Variants in ADCY9 observed in about 807,000 individuals in gnomAD.
ADCY9 encodes the protein adenylate cyclase 9.
ADCY9 carries 50 observed loss-of-function variants against 101.5 expected under a neutral mutation model. The observed-to-expected ratio is 0.49, with a 90% CI of 0.39 to 0.62. The LOEUF is 0.62. Among genes scored for constraint, ADCY9 ranks in the 20% least tolerant of loss-of-function variants. The pLI, the probability that ADCY9 is intolerant of heterozygous loss-of-function variation, is 0.00. For synonymous variants in ADCY9, 905 were observed against 769.3 expected (o/e 1.18, Z -2.92); for missense variants, 1,662 against 1,800.4 (o/e 0.92, Z 1.39).
At chr16:4,039,865 C>A (rs2056615220) in intron 2 of ADCY9, among the ~76,000 whole-genome samples, 1 of 151,918 alleles carries the variant, frequency 6.6e-6, no homozygotes, top group African/African-American at 2.4e-5. Flanking sequence ...ATAGTGAGAT[C>A]CCATCTCTAC....
intron 2 of ADCY9, among the ~76,000 whole-genome samples, chr16:4,031,321 G>T (rs1486886510): frequency 6.6e-6 from 1 of 152,126 alleles, no homozygotes; most frequent in Non-Finnish European, 1.5e-5. Flanking sequence ...ACGGTTCAAT[G>T]GCTCAGCAAA....
Position 3,964,082 on chromosome 16 carries a change from ACTT to A in ADCY9, c.*1690_*1692del, listed in dbSNP as rs1238226086. 6.6e-6 allele frequency: 1 copy of A among 152,252 alleles called. No homozygotes were observed. Among genetic ancestry groups the A allele is most frequent in the African/African-American group, 2.4e-5 (1 of 41,428 alleles). The allele number at this position is 152,252 out of a possible 1,614,324, so 9.4% of individuals were successfully genotyped here. A position where few individuals can be genotyped will look rare whatever the true frequency, so the allele number is the denominator to read the frequency against. On this transcript the variant is annotated 3_prime_UTR_variant, in exon 11 of 11. Transcript: ENST00000294016. ...GGAGAGGTGGCGGGTCAGAATTGTGACTTCTTCATGCCGGGGAGGGCAATCTGT... is the reference window on the plus strand; with the variant it reads ...GGAGAGGTGGCGGGTCAGAATTGTGACTTCATGCCGGGGAGGGCAATCTGT...
intron 2 of ADCY9, among the ~76,000 whole-genome samples, chr16:4,102,333 T>G (rs531700448): frequency 6.6e-6 from 1 of 152,144 alleles, no homozygotes; most frequent in South Asian, 2.1e-4. Flanking sequence ...TAAGCCCGAA[T>G]GTATCAGAAA....
At chr16:4,049,014 C>T (rs146796431) in intron 2 of ADCY9, among the ~76,000 whole-genome samples, 6 of 152,142 alleles carry the variant, frequency 3.9e-5, no homozygotes, top group African/African-American at 1.4e-4. Flanking sequence ...ATCAGGAAAT[C>T]GTAATCCTGG....
intron 2 of ADCY9, among the ~76,000 whole-genome samples, chr16:4,104,535 C>G (rs446395): frequency 6.6e-6 from 1 of 151,832 alleles, no homozygotes; most frequent in Non-Finnish European, 1.5e-5. Context: ...TCACTTGAGC[C>G]CAGGAGGTCA....
chr16:4,115,576 C>A lies in ADCY9; in HGVS notation c.-43-91G>T. 1 of 1,126,890 alleles carries A rather than the reference C, an allele frequency of 8.9e-7. No individual in the cohort carries two copies. The highest frequency in any genetic ancestry group is 1.2e-6 in the Non-Finnish European group (1 of 819,096). The allele number at this position is 1,126,890 out of a possible 1,614,324, so 69.8% of individuals were successfully genotyped here. A position where few individuals can be genotyped will look rare whatever the true frequency, so the allele number is the denominator to read the frequency against. On this transcript the variant is annotated intron_variant, in intron 1 of 10. Coordinates refer to ENST00000294016, the MANE Select transcript of ADCY9 (RefSeq NM_001116.4). The surrounding 1 kb of genome is among the most constrained non-coding windows in gnomAD (Gnocchi z 6.2). The stretch of plus-strand genomic sequence containing the variant: ...CCTGCTCCTGTCCTAAGGGGCGGCT[C>A]CAGCACGCGACCTGGACAGGCACCA...
At position 4,093,973 on chromosome 16, in the gene ADCY9, C is replaced by A. The variant is rs916228435; in HGVS notation, c.1693+19777G>T. Among the ~76,000 whole-genome samples, 8 of 152,108 alleles carry A rather than the reference C, an allele frequency of 5.3e-5. 1 individual carries two copies. Among genetic ancestry groups the A allele is most frequent in the Non-Finnish European group, 8.8e-5 (6 of 68,028 alleles). ...GCTACTAAATACAGTAACATCATGA[C>A]TGGAGCTATGAAAGCAAACATTTCC... On this transcript the variant is annotated intron_variant, in intron 2 of 10. Coordinates refer to ENST00000294016, the MANE Select transcript of ADCY9 (RefSeq NM_001116.4).
chr16:4,105,791 G>A (rs1195662264), intron 2 of ADCY9, among the ~76,000 whole-genome samples: 2 of 151,758 alleles, frequency 1.3e-5, no homozygotes, highest in Non-Finnish European at 1.5e-5. Context: ...AGGCTGCAGT[G>A]AACTGTGACT....
At position 3,979,274 on chromosome 16, in the gene ADCY9, T is replaced by A; in HGVS notation, c.2521A>T (p.Met841Leu). 1 of 1,613,604 alleles carries A rather than the reference T, an allele frequency of 6.2e-7. No individual in the cohort carries two copies. Among genetic ancestry groups the A allele is most frequent in the Non-Finnish European group, 8.5e-7 (1 of 1,179,890 alleles). ...EVLSLAVSIR[M>L]VFFLEDVMAC... ...ATGACGTCCTCCAGGAAGAACACCA[T>A]CCTGCGAGAGGCATGGGGGTTAGCA... The change falls in exon 8 of 11, where the codon ATG (methionine) becomes TTG (leucine). Residue 841 changes from methionine to leucine, a missense_variant and splice_region_variant. Coordinates refer to ENST00000294016, the MANE Select transcript of ADCY9 (RefSeq NM_001116.4).
chr16:3,955,537 G>GGTTTGTTTGTTT (rs34842697), intron 5 of ADCY9, among the ~76,000 whole-genome samples: 23 of 152,094 alleles, frequency 1.5e-4, no homozygotes, highest in African/African-American at 4.8e-4. Context: ...CCTTCATTTA[G>GGTTTGTTTGTTT]GTTTGTTTGT....
chr16:3,971,364 T>A (rs1236855235), intron 10 of ADCY9, among the ~76,000 whole-genome samples: 1 of 152,032 alleles, frequency 6.6e-6, no homozygotes, highest in Non-Finnish European at 1.5e-5. Flanking sequence ...ATCACAGCGG[T>A]GAGAGAGCAG....
At chr16:4,081,501 G>C (rs1038223649) in intron 2 of ADCY9, among the ~76,000 whole-genome samples, 3 of 152,226 alleles carry the variant, frequency 2.0e-5, no homozygotes, top group African/African-American at 7.2e-5. Flanking sequence ...TGATATCTAA[G>C]ACTCTTAACA....
intron 3 of ADCY9, among the ~76,000 whole-genome samples, chr16:3,997,015 C>T (rs1337950782): frequency 6.6e-6 from 1 of 152,134 alleles, no homozygotes; most frequent in African/African-American, 2.4e-5. Flanking sequence ...CAGGCGCCCA[C>T]CACCACGCCT....
At chr16:3,976,689 C>T (rs1365257781) in intron 9 of ADCY9, among the ~76,000 whole-genome samples, 1 of 152,138 alleles carries the variant, frequency 6.6e-6, no homozygotes, top group Non-Finnish European at 1.5e-5. Context: ...TGGAATCTCA[C>T]TCTTGTCACC....
intron 10 of ADCY9, among the ~76,000 whole-genome samples, chr16:3,971,023 T>C (rs1418112235): frequency 6.6e-6 from 1 of 152,116 alleles, no homozygotes; most frequent in African/African-American, 2.4e-5. Context: ...CATTCCTTGA[T>C]AAGAGCGGCT....
intron 2 of ADCY9, among the ~76,000 whole-genome samples, chr16:4,108,822 C>T (rs1051329529): frequency 2.6e-5 from 4 of 151,484 alleles, no homozygotes; most frequent in African/African-American, 9.7e-5. Flanking sequence ...TCTCCTGCCT[C>T]AGCATCCCGA....
chr16:4,103,798 T>G (rs1054270976), intron 2 of ADCY9, among the ~76,000 whole-genome samples: 1 of 151,768 alleles, frequency 6.6e-6, no homozygotes, highest in Non-Finnish European at 1.5e-5. Context: ...ACCACTGCAC[T>G]CCAGCCCGGG....
chr16:4,038,662 CAG>C (rs1221105696), intron 2 of ADCY9, among the ~76,000 whole-genome samples: 2 of 152,060 alleles, frequency 1.3e-5, no homozygotes, highest in Non-Finnish European at 2.9e-5. Flanking sequence ...AAAAGAGGAA[CAG>C]AGTAGTTGGG....
chr16:4,102,846 T>C (rs1468909373), intron 2 of ADCY9, among the ~76,000 whole-genome samples: 1 of 151,988 alleles, frequency 6.6e-6, no homozygotes, highest in Non-Finnish European at 1.5e-5. Flanking sequence ...CTCAACCTCC[T>C]GAGTAGCTGG....
Sources: gnomAD v4.1 joint callset for allele counts (sites outside exome capture counted in the v4.1 genomes callset) on GRCh38, gnomAD v4.1.1 for gene constraint, Gnocchi (gnomAD v3.1) non-coding constraint, MANE v1.5 for transcripts, NCBI Gene and HGNC (gene_info 2026-07-23, HGNC 2026-07-21) for gene names.